DPYSL2: variants seen among roughly 807,000 people sequenced by gnomAD.
DPYSL2 encodes the protein dihydropyrimidinase like 2.
A neutral mutation model predicts 69.9 loss-of-function variants in DPYSL2; 13 were observed. The ratio of observed to expected loss-of-function variants is 0.19; its 90% CI spans 0.12 to 0.30. The LOEUF (loss-of-function observed/expected upper bound fraction) is 0.30. Ranked by LOEUF, DPYSL2 falls within the 10% of genes least tolerant of loss-of-function variation. The probability of loss-of-function intolerance (pLI) is 1.00; values close to 1 mark genes in which losing one functional copy is unlikely to be tolerated. For missense variants in DPYSL2, 587 were observed against 918.9 expected, an observed-to-expected ratio of 0.64 and a Z score of 4.67; for synonymous variants, 326 against 359.1, an observed-to-expected ratio of 0.91 and a Z score of 1.04.
chr8:26,523,118 T>C (rs1370404353), intron 1 of DPYSL2, among the ~76,000 whole-genome samples: 1 of 151,650 alleles, frequency 6.6e-6, no homozygotes, highest in African/African-American at 2.4e-5. Context: ...TCCTTCTTTG[T>C]GTGTGCATAT....
intron 1 of DPYSL2, chr8:26,548,147 C>G: frequency 4.5e-6 from 1 of 222,288 alleles, no homozygotes; most frequent in East Asian, 1.1e-4. Context: ...TAAAGGCAGT[C>G]AAGACCAAAG....
chr8:26,590,403 C>T (rs553153177), intron 3 of DPYSL2, among the ~76,000 whole-genome samples: 2 of 152,296 alleles, frequency 1.3e-5, no homozygotes, highest in South Asian at 4.1e-4. Flanking sequence ...AGCCTGGGTC[C>T]ACTCAGGTGT....
At chr8:26,622,984 T>G (rs1273090198) in intron 3 of DPYSL2, among the ~76,000 whole-genome samples, 1 of 152,230 alleles carries the variant, frequency 6.6e-6, no homozygotes, top group Non-Finnish European at 1.5e-5. Flanking sequence ...TTATTTCTAT[T>G]GTTGCACAAG....
At chr8:26,651,775 A>G (rs989708657) in intron 11 of DPYSL2, among the ~76,000 whole-genome samples, 1 of 152,200 alleles carries the variant, frequency 6.6e-6, no homozygotes, top group African/African-American at 2.4e-5. Flanking sequence ...AGTGACCACA[A>G]TCCTTTCATT....
chr8:26,555,528 T>C (rs975845693), intron 1 of DPYSL2, among the ~76,000 whole-genome samples: 3 of 152,108 alleles, frequency 2.0e-5, no homozygotes, highest in Non-Finnish European at 4.4e-5. Flanking sequence ...TAGATATAAA[T>C]CTAACAGAAT....
At chr8:26,546,698 T>G (rs1236223217) in intron 1 of DPYSL2, among the ~76,000 whole-genome samples, 1 of 151,330 alleles carries the variant, frequency 6.6e-6, no homozygotes, top group Non-Finnish European at 1.5e-5. Flanking sequence ...GACGGGTGGA[T>G]CACGAGGTCA....
At chr8:26,581,904 A>G (rs1482031336) in intron 1 of DPYSL2, 65 bp from the exon 2 acceptor site, 20 of 1,212,852 alleles carry the variant, frequency 1.6e-5, no homozygotes, top group African/African-American at 4.5e-5. Context: ...CTTAGCTCAC[A>G]TATCTTAGCA....
At chr8:26,532,916 C>A (rs1333622691) in intron 1 of DPYSL2, among the ~76,000 whole-genome samples, 1 of 152,126 alleles carries the variant, frequency 6.6e-6, no homozygotes, top group Non-Finnish European at 1.5e-5. Context: ...TATTTGGTAT[C>A]CCTAATTTTT....
intron 3 of DPYSL2, among the ~76,000 whole-genome samples, chr8:26,622,244 A>AT (rs1359937874): frequency 3.3e-5 from 5 of 150,502 alleles, no homozygotes; most frequent in Non-Finnish European, 7.4e-5. Context: ...AAAAATTGGA[A>AT]TTATTTTGTC....
intron 1 of DPYSL2, among the ~76,000 whole-genome samples, chr8:26,561,980 A>C (rs1482415875): frequency 6.6e-6 from 1 of 152,128 alleles, no homozygotes; most frequent in Admixed American, 6.5e-5. Flanking sequence ...ACTTTGAATC[A>C]ATTTCCAAAT....
chr8:26,611,293 G>T (rs1007375043), intron 3 of DPYSL2, among the ~76,000 whole-genome samples: 1 of 152,170 alleles, frequency 6.6e-6, no homozygotes, highest in Non-Finnish European at 1.5e-5. Flanking sequence ...AGTTTCTACT[G>T]GCTCTCTAGC....
Position 26,653,231 on chromosome 8 carries a change from G to C in DPYSL2, c.1777-1G>C. On this transcript the variant is annotated splice_acceptor_variant, in intron 12 of 13. Coordinates refer to ENST00000521913, the MANE Select transcript of DPYSL2 (RefSeq NM_001197293.3). LOFTEE classifies it high-confidence loss of function. This position sits in a 1 kb window ranked among gnomAD's most constrained non-coding sequence, Gnocchi z 5.7. ...GCTGGGGGGACTCTTGTGTTTTGCA[G>C]CTGGCTGAGCTGAGAGGGGTTCCTC... 6.2e-7 allele frequency: 1 copy of C among 1,613,434 alleles called. No homozygotes were observed. Among genetic ancestry groups the C allele is most frequent in the Non-Finnish European group, 8.5e-7 (1 of 1,179,566 alleles).
intron 1 of DPYSL2, among the ~76,000 whole-genome samples, chr8:26,519,056 A>G (rs1157870799): frequency 1.3e-5 from 2 of 152,190 alleles, no homozygotes; most frequent in Non-Finnish European, 1.5e-5. Flanking sequence ...CGCCAGTGAC[A>G]ACTTCTGGCC....
chr8:26,598,089 G>A lies in DPYSL2; in HGVS notation c.628+14106G>A, dbSNP rs953451697. Among the ~76,000 whole-genome samples, 3 of 152,152 alleles carry A rather than the reference G, an allele frequency of 2.0e-5. No homozygotes were observed. Among genetic ancestry groups the A allele is most frequent in the African/African-American group, 7.2e-5 (3 of 41,428 alleles). On this transcript the variant is annotated intron_variant, in intron 3 of 13. Coordinates refer to ENST00000521913, the MANE Select transcript of DPYSL2 (RefSeq NM_001197293.3). The surrounding 1 kb of genome is among the most constrained non-coding windows in gnomAD (Gnocchi z 4.2). Reference sequence around the variant, plus strand: ...TCTTGCATAATAGGGTTGCTTTGAGGATCCAGGGAGGTGGTGGCTATGGCA... The same window carrying A: ...TCTTGCATAATAGGGTTGCTTTGAGAATCCAGGGAGGTGGTGGCTATGGCA...
rs1563374151 is a variant in DPYSL2, at chr8:26,524,835, A to AAAAAAAAAAAAAG, written c.354+10157_354+10158insAAAAAAAAAAAGA. 3.9e-4 allele frequency among the ~76,000 whole-genome samples: 29 copies of AAAAAAAAAAAAAG among 74,220 alleles called. 2 individuals are homozygous for AAAAAAAAAAAAAG. The highest frequency in any genetic ancestry group is 5.2e-4 in the African/African-American group (12 of 23,214). The allele number at this position is 74,220 out of a possible 152,430, so 48.7% of individuals were successfully genotyped here. ...AAAAAAAAAAAAAAAAAAAAAAAAA[A>AAAAAAAAAAAAAG]AGAGAGAGAATTACTGTTTTTCAAT... On this transcript the variant is annotated intron_variant, in intron 1 of 13. Coordinates refer to ENST00000521913, the MANE Select transcript of DPYSL2 (RefSeq NM_001197293.3).
At chr8:26,529,233 A>AATCTATCTATCT (rs56968092) in intron 1 of DPYSL2, among the ~76,000 whole-genome samples, 31 of 144,060 alleles carry the variant, frequency 2.2e-4, no homozygotes, top group African/African-American at 4.5e-4. Flanking sequence ...TATAAATTTA[A>AATCTATCTATCT]ATCTATCTAT....
intron 1 of DPYSL2, among the ~76,000 whole-genome samples, chr8:26,523,940 T>TTATCCA (rs1448810240): frequency 6.6e-6 from 1 of 152,250 alleles, no homozygotes; most frequent in East Asian, 1.9e-4. Flanking sequence ...GACAATTGGG[T>TTATCCA]TATCCATCTT....
Position 26,652,828 on chromosome 8 carries a change from G to T in DPYSL2, c.1776+392G>T, listed in dbSNP as rs1412269545. Reference sequence around the variant, plus strand: ...TAAGAGTATCATGAGCATAGAAAATGTACAGTGTATTCAGGGCATGTGAAG... The same window carrying T: ...TAAGAGTATCATGAGCATAGAAAATTTACAGTGTATTCAGGGCATGTGAAG... On this transcript the variant is annotated intron_variant, in intron 12 of 13. Coordinates refer to ENST00000521913, the MANE Select transcript of DPYSL2 (RefSeq NM_001197293.3). The surrounding 1 kb of genome is among the most constrained non-coding windows in gnomAD (Gnocchi z 6.3). 6.6e-6 allele frequency among the ~76,000 whole-genome samples: 1 copy of T among 152,190 alleles called. No homozygotes were observed. The highest frequency in any genetic ancestry group is 2.4e-5 in the African/African-American group (1 of 41,442).
intron 1 of DPYSL2, among the ~76,000 whole-genome samples, chr8:26,569,357 AAAAAAAACAAAAACAAAAAC>A (rs1474701079): frequency 1.7e-5 from 2 of 118,268 alleles, no homozygotes; most frequent in African/African-American, 3.5e-5. Context: ...CTATCTCCAA[AAAAAAAACAAAAACAAAAAC>A]AAAAAAAAAC....
Sources: allele counts gnomAD v4.1 joint callset (sites outside exome capture counted in the v4.1 genomes callset), GRCh38; gene constraint gnomAD v4.1.1; non-coding constraint Gnocchi (gnomAD v3.1); transcripts MANE v1.5; gene names NCBI Gene and HGNC (gene_info 2026-07-23, HGNC 2026-07-21).